The following TUBD1 variants were observed in gnomAD, a reference collection of about 807,000 sequenced individuals.
TUBD1 encodes tubulin delta chain.
Under a neutral mutation model 51.2 loss-of-function variants are expected in TUBD1, and 38 were observed. That is an observed-to-expected ratio of 0.74 (90% CI 0.57 to 0.97). TUBD1 has a LOEUF of 0.97. Ranked by LOEUF, TUBD1 falls within the 50% of genes least tolerant of loss-of-function variation. The pLI, the probability that TUBD1 is intolerant of heterozygous loss-of-function variation, is 0.00. For synonymous variants in TUBD1, 169 were observed against 178.2 expected (o/e 0.95, Z 0.41); for missense variants, 489 against 538.4 (o/e 0.91, Z 0.91).
chr17:59,866,572 C>T (rs1474440622), intron 7 of TUBD1, 37 bp downstream of exon 7: 5 of 1,610,378 alleles, frequency 3.1e-6, no homozygotes, highest in South Asian at 1.1e-5. Flanking sequence ...TGTACAGGTA[C>T]AAAATGTAAA....
chr17:59,884,656 C>T (rs992704418), intron 3 of TUBD1: 2 of 152,494 alleles, frequency 1.3e-5, no homozygotes, highest in Non-Finnish European at 2.9e-5. Flanking sequence ...TGCAGTGGCT[C>T]ATACCTGTAA....
intron 8 of TUBD1, among the ~76,000 whole-genome samples, chr17:59,860,777 G>C (rs569995696): frequency 7.2e-5 from 11 of 151,916 alleles, no homozygotes; most frequent in South Asian, 4.2e-4. Flanking sequence ...AGTAGAGACG[G>C]GGTTTCACCA....
At chr17:59,883,339 G>A (rs978091071) in intron 3 of TUBD1, among the ~76,000 whole-genome samples, 2 of 151,158 alleles carry the variant, frequency 1.3e-5, no homozygotes, top group African/African-American at 2.4e-5. Context: ...GTGTGACCTT[G>A]GCTCACTGCA....
chr17:59,862,063 C>T (rs2039475625), intron 8 of TUBD1, among the ~76,000 whole-genome samples: 1 of 151,402 alleles, frequency 6.6e-6, no homozygotes. Context: ...GTGGCTCACA[C>T]TGGTAATCCC....
rs1318760552 is a variant in TUBD1, at chr17:59,882,000, ATTG to A, written c.321-893_321-891del. ...ACTATTTTGATATATACAATAAATT[ATTG>A]TTAACTATAATTTCCTAACTGTATT... On this transcript the variant is annotated intron_variant, in intron 3 of 8. Coordinates refer to ENST00000325752, the MANE Select transcript of TUBD1 (RefSeq NM_016261.4). Among the ~76,000 whole-genome samples, 12 of 152,152 alleles carry A rather than the reference ATTG, an allele frequency of 7.9e-5. No homozygotes were observed. The South Asian group carries it at 1.2e-3, about 16-fold the overall frequency.
At chr17:59,869,888 T>C (rs1233791424) in intron 6 of TUBD1, among the ~76,000 whole-genome samples, 2 of 152,040 alleles carry the variant, frequency 1.3e-5, no homozygotes, top group Non-Finnish European at 2.9e-5. Flanking sequence ...CCACTCTCTC[T>C]CCAGATCCTG....
At chr17:59,868,975 C>T (rs1481833488) in intron 6 of TUBD1, among the ~76,000 whole-genome samples, 3 of 151,790 alleles carry the variant, frequency 2.0e-5, no homozygotes, top group African/African-American at 7.3e-5. Context: ...TATGATTGCG[C>T]CACTGCACTC....
At chr17:59,888,868 C>T (rs1267718099) in intron 2 of TUBD1, among the ~76,000 whole-genome samples, 11 of 151,666 alleles carry the variant, frequency 7.3e-5, no homozygotes, top group Admixed American at 1.3e-4. Context: ...CGCACCACTA[C>T]GCTCGGCTAA....
chr17:59,869,911 A>G (rs1656270919), intron 6 of TUBD1, among the ~76,000 whole-genome samples: 1 of 152,148 alleles, frequency 6.6e-6, no homozygotes, highest in Admixed American at 6.6e-5. Flanking sequence ...TAATCACTAA[A>G]AGGATAAGCA....
At chr17:59,879,185 T>C (rs1160388284) in intron 4 of TUBD1, among the ~76,000 whole-genome samples, 1 of 151,158 alleles carries the variant, frequency 6.6e-6, no homozygotes, top group African/African-American at 2.4e-5. Flanking sequence ...GGAGAATCAC[T>C]TGAACCCGGG....
rs149583520 is a variant in TUBD1, at chr17:59,876,841, T to C, written c.769+1262A>G. On this transcript the variant is annotated intron_variant, in intron 5 of 8. Coordinates refer to ENST00000325752, the MANE Select transcript of TUBD1 (RefSeq NM_016261.4). ...AATCTGTTCTCCCTTCCAGCTTTCT[T>C]GTTCAGCTACTCTTACCTTAACCAT... Among the ~76,000 whole-genome samples the C allele has an allele frequency of 2.1e-3, 322 of 152,044 alleles. 3 individuals carry two copies. The highest frequency in any genetic ancestry group is 7.4e-3 in the African/African-American group (307 of 41,462).
intron 8 of TUBD1, among the ~76,000 whole-genome samples, chr17:59,862,270 C>A (rs1264833935): frequency 6.7e-6 from 1 of 149,198 alleles, no homozygotes; most frequent in African/African-American, 2.5e-5. Flanking sequence ...TTGCAGTGAG[C>A]AGAGATCATG....
chr17:59,871,666 G>C (rs977783317), intron 6 of TUBD1, among the ~76,000 whole-genome samples: 3 of 152,154 alleles, frequency 2.0e-5, no homozygotes, highest in Non-Finnish European at 4.4e-5. Flanking sequence ...GCCAGGGCTG[G>C]CTGCTTATCA....
chr17:59,890,130 A>G (rs114574721), intron 2 of TUBD1, among the ~76,000 whole-genome samples: 6,434 of 152,222 alleles, frequency 0.042, 475 homozygotes, highest in African/African-American at 0.15. Context: ...AAAGAAAAAA[A>G]GAAAAGAAAA....
At position 59,860,229 on chromosome 17, in the gene TUBD1, G is replaced by A; in HGVS notation, c.*93C>T. On this transcript the variant is annotated 3_prime_UTR_variant, in exon 9 of 9. Coordinates refer to ENST00000325752, the MANE Select transcript of TUBD1 (RefSeq NM_016261.4). ...GACGGTGTTTCACCGTGTTAGCCAG[G>A]ATGGAGAACTTTGAAAACTTTACAG... The A allele has an allele frequency of 1.1e-6, 1 of 949,310 alleles. No homozygotes were observed. The highest frequency in any genetic ancestry group is 2.5e-5 in the East Asian group (1 of 39,356). The allele number at this position is 949,310 out of a possible 1,614,324, so 58.8% of individuals were successfully genotyped here.
chr17:59,865,588 A>C (rs1233544283), intron 7 of TUBD1, among the ~76,000 whole-genome samples: 3 of 152,142 alleles, frequency 2.0e-5, no homozygotes, highest in Non-Finnish European at 2.9e-5. Flanking sequence ...TCACACACAC[A>C]CAAGAATAAT....
Position 59,878,260 on chromosome 17 carries a change from A to T in TUBD1, c.612T>A (p.His204Gln). 1.9e-6 allele frequency: 3 copies of T among 1,614,130 alleles called. No individual in the cohort carries two copies. Among genetic ancestry groups the T allele is most frequent in the Non-Finnish European group, 2.5e-6 (3 of 1,180,034 alleles). ...LYRSSDALLL[H>Q]ENDAIHKICA... ...AGATCTTATGGATGGCATCATTCTC[A>T]TGAAGAAGGAGGGCGTCTGAAGATC... is the stretch of plus-strand genomic sequence containing the variant. Residue 204 changes from histidine to glutamine, a missense_variant, in exon 5 of 9, where the codon CAT becomes CAA. Transcript: ENST00000325752.
chr17:59,886,414 G>T, intron 2 of TUBD1, 184 bp from the exon 3 acceptor site: 1 of 591,524 alleles, frequency 1.7e-6, no homozygotes, highest in Non-Finnish European at 2.8e-6. Flanking sequence ...ATATGCAGAT[G>T]TTCACCAAGC....
At chr17:59,863,977 G>A in intron 7 of TUBD1, 130 bp from the exon 8 acceptor site, 1 of 802,846 alleles carries the variant, frequency 1.2e-6, no homozygotes, top group Non-Finnish European at 1.8e-6. Flanking sequence ...TGTGATGGCT[G>A]GTGCAGAGAC....
Sources: gnomAD v4.1 joint callset for allele counts (sites outside exome capture counted in the v4.1 genomes callset) on GRCh38, gnomAD v4.1.1 for gene constraint, MANE v1.5 for transcripts, NCBI Gene and HGNC (gene_info 2026-07-23, HGNC 2026-07-21) for gene names.